The following CHRDL1 variants were observed in gnomAD, a reference collection of about 807,000 sequenced individuals.
The protein encoded by CHRDL1 is chordin like 1, also known as chordin-like protein 1.
A neutral mutation model predicts 40.9 loss-of-function variants in CHRDL1; 19 were observed. The ratio of observed to expected loss-of-function variants is 0.46; its 90% CI spans 0.32 to 0.68. The LOEUF (loss-of-function observed/expected upper bound fraction) is 0.68. CHRDL1 is among the 30% of genes least tolerant of loss of function. The probability of loss-of-function intolerance (pLI) is 0.03; values close to 1 mark genes in which losing one functional copy is unlikely to be tolerated. For synonymous variants in CHRDL1, 136 were observed against 123.4 expected (o/e 1.10, Z -0.68); for missense variants, 329 against 352.1 (o/e 0.93, Z 0.53).
In CHRDL1 at chrX:110,719,851, G is replaced by A; in HGVS notation, c.525C>T (p.Cys175=). 8.3e-7 allele frequency: 1 copy of A among 1,203,087 alleles called. No individual in the cohort carries two copies. The highest frequency in any genetic ancestry group is 2.3e-4 in the Middle Eastern group (1 of 4,332). The change falls in exon 6 of 12, where the codon TGC becomes TGT. Residue 175 remains cysteine, a synonymous_variant. Coordinates refer to ENST00000372042, the MANE Select transcript of CHRDL1 (RefSeq NM_001143981.2). ...CAFPVSVPDS[C]CRVCRGDGEL... is the part of the protein sequence containing the mutation. ...CACACCTACCTCTGCATACCCGGCAGCAGGAATCTGGAACAGAGACTGGGA... is the reference window on the plus strand; with the variant it reads ...CACACCTACCTCTGCATACCCGGCAACAGGAATCTGGAACAGAGACTGGGA...
Position 110,758,122 on chromosome X carries a change from C to CA in CHRDL1, c.301+1538dup, listed in dbSNP as rs199672978. On this transcript the variant is annotated intron_variant, in intron 4 of 11. Coordinates refer to ENST00000372042, the MANE Select transcript of CHRDL1 (RefSeq NM_001143981.2). Reference sequence around the variant, plus strand: ...AAAAACAAAAACAAAAAACAAAAAACAAAAAAACAAAAAAAAAAAAAACAA... The same window carrying CA: ...AAAAACAAAAACAAAAAACAAAAAACAAAAAAAACAAAAAAAAAAAAAACAA... Among the ~76,000 whole-genome samples, 841 of 93,987 alleles carry CA rather than the reference C, an allele frequency of 8.9e-3. 5 individuals are homozygous for CA. The highest frequency in any genetic ancestry group is 0.013 in the Non-Finnish European group (631 of 47,078). 81.6% of individuals were successfully genotyped at this position (93,987 alleles called of 115,157 possible).
chrX:110,764,136 A>G (rs754883320), intron 2 of CHRDL1, among the ~76,000 whole-genome samples: 15 of 111,678 alleles, frequency 1.3e-4, no homozygotes, highest in Non-Finnish European at 1.7e-4. Context: ...AATTCTGGAT[A>G]TTAGTCCTTT....
At chrX:110,736,075 C>T (rs1187844437) in intron 4 of CHRDL1, among the ~76,000 whole-genome samples, 1 of 112,626 alleles carries the variant, frequency 8.9e-6, no homozygotes, top group Non-Finnish European at 1.9e-5. Context: ...AAAGTGGTGG[C>T]ACACAAGGCT....
intron 4 of CHRDL1, 128 bp from the exon 5 acceptor site, chrX:110,721,658 A>G (rs905018172): frequency 7.2e-5 from 37 of 512,476 alleles, no homozygotes; most frequent in Non-Finnish European, 1.2e-4. Context: ...CCAGTGACCA[A>G]TGATTTTGAA....
chrX:110,769,511 A>G (rs983713166), intron 2 of CHRDL1, among the ~76,000 whole-genome samples: 3 of 112,761 alleles, frequency 2.7e-5, no homozygotes, highest in African/African-American at 6.4e-5. Context: ...AAGTCAGAAA[A>G]GAAGAAATTG....
chrX:110,784,168 G>T (rs1377753088), intron 2 of CHRDL1, among the ~76,000 whole-genome samples: 3 of 111,631 alleles, frequency 2.7e-5, no homozygotes, highest in African/African-American at 6.5e-5. Context: ...ATGTAGGAAG[G>T]GCAAGATGTA....
chrX:110,792,616 G>A (rs947620106), intron 1 of CHRDL1, among the ~76,000 whole-genome samples: 6 of 107,359 alleles, frequency 5.6e-5, no homozygotes, highest in African/African-American at 1.7e-4. Context: ...ATGAGACCAA[G>A]CAATTTCTGA....
chrX:110,690,340 G>T (rs1186818971), intron 8 of CHRDL1, among the ~76,000 whole-genome samples: 1 of 107,438 alleles, frequency 9.3e-6, no homozygotes, highest in South Asian at 4.0e-4. Context: ...GAGCCACTGC[G>T]CCCAGCCACA....
intron 8 of CHRDL1, among the ~76,000 whole-genome samples, chrX:110,693,923 G>A (rs2070330777): frequency 9.0e-6 from 1 of 111,523 alleles, no homozygotes; most frequent in South Asian, 3.8e-4. Context: ...AGGGATAATT[G>A]AGAAAATACA....
At chrX:110,698,260 A>T (rs1446685615) in intron 7 of CHRDL1, among the ~76,000 whole-genome samples, 2 of 111,198 alleles carry the variant, frequency 1.8e-5, no homozygotes, top group Admixed American at 9.6e-5. Flanking sequence ...AGAGCAAACA[A>T]CAAATTTGAA....
rs192707580 is a variant in CHRDL1 at position 110,697,921 on chromosome X, A to G, written c.609+2733T>C. Among the ~76,000 whole-genome samples, 698 of 108,501 alleles carry G rather than the reference A, an allele frequency of 6.4e-3. 3 individuals carry two copies. Among genetic ancestry groups the G allele is most frequent in the Non-Finnish European group, 0.011 (550 of 52,310 alleles). 94.2% of individuals were successfully genotyped at this position (108,501 alleles called of 115,157 possible). A position where few individuals can be genotyped will look rare whatever the true frequency, so the allele number is the denominator to read the frequency against. ...CCAATGGCACGAGGACCAATTCATG[A>G]GAAATTACAACTTAGAAATCAAACA... On this transcript the variant is annotated intron_variant, in intron 7 of 11. Coordinates refer to ENST00000372042, the MANE Select transcript of CHRDL1 (RefSeq NM_001143981.2).
At chrX:110,760,673 C>T (rs901444475) in intron 3 of CHRDL1, among the ~76,000 whole-genome samples, 2 of 112,012 alleles carry the variant, frequency 1.8e-5, no homozygotes, top group African/African-American at 6.5e-5. Flanking sequence ...TCAGGCCATC[C>T]CAGGCAGTTA....
In CHRDL1 at chrX:110,689,679, ATATC is replaced by A. The variant is rs1381398822; in HGVS notation, c.779-880_779-877del. ...ATCATCTATATATCTATATATCTAT[ATATC>A]TATATATCTATATATCTATATATCT... On this transcript the variant is annotated intron_variant, in intron 8 of 11. Coordinates refer to ENST00000372042, the MANE Select transcript of CHRDL1 (RefSeq NM_001143981.2). 1.8e-4 allele frequency among the ~76,000 whole-genome samples: 7 copies of A among 39,625 alleles called. 3 individuals carry two copies. The highest frequency in any genetic ancestry group is 5.8e-4 in the African/African-American group (2 of 3,423). 34.4% of individuals were successfully genotyped at this position (39,625 alleles called of 115,157 possible). A position where few individuals can be genotyped will look rare whatever the true frequency, so the allele number is the denominator to read the frequency against.
At chrX:110,793,956 T>C (rs1259840085) in intron 1 of CHRDL1, among the ~76,000 whole-genome samples, 1 of 112,406 alleles carries the variant, frequency 8.9e-6, no homozygotes, top group Admixed American at 9.4e-5. Flanking sequence ...TAATCTCCTT[T>C]GGCGTTCCTG....
intron 4 of CHRDL1, among the ~76,000 whole-genome samples, chrX:110,723,368 C>T (rs191812677): frequency 2.7e-5 from 3 of 111,743 alleles, no homozygotes; most frequent in South Asian, 3.8e-4. Context: ...TAATAATACA[C>T]GAATAGATAC....
chrX:110,780,536 T>A lies in CHRDL1; in HGVS notation c.94+11552A>T, dbSNP rs548027865. Among the ~76,000 whole-genome samples the A allele has an allele frequency of 1.7e-4, 19 of 111,788 alleles. No homozygotes were observed. The South Asian group carries it at 6.7e-3, about 39-fold the overall frequency. ...ATTAGGTTGTTTCCATTTCTTTCCA[T>A]TAAATAAATTATGACAAAGATCCTT... On this transcript the variant is annotated intron_variant, in intron 2 of 11. Transcript: ENST00000372042.
chrX:110,700,604 C>G (rs202216741), intron 7 of CHRDL1, 50 bp downstream of exon 7: 282 of 849,309 alleles, frequency 3.3e-4, no homozygotes, highest in Non-Finnish European at 6.3e-5. Flanking sequence ...GAGAGGAAAG[C>G]TTGGCCTGAT....
chrX:110,722,163 A>AT (rs752873517), intron 4 of CHRDL1, among the ~76,000 whole-genome samples: 111 of 101,397 alleles, frequency 1.1e-3, no homozygotes, highest in Admixed American at 1.5e-3. Context: ...ACGCCTGGCT[A>AT]TTTTTTTTTT....
intron 2 of CHRDL1, among the ~76,000 whole-genome samples, chrX:110,768,331 T>C (rs2089697793): frequency 8.9e-6 from 1 of 112,089 alleles, no homozygotes; most frequent in Non-Finnish European, 1.9e-5. Context: ...ACTTACAGAA[T>C]TCTTGCTTAA....
Sources: allele counts gnomAD v4.1 joint callset (sites outside exome capture counted in the v4.1 genomes callset), GRCh38; gene constraint gnomAD v4.1.1; transcripts MANE v1.5; gene names NCBI Gene and HGNC (gene_info 2026-07-23, HGNC 2026-07-21).